RNF214: variants seen among roughly 807,000 people sequenced by gnomAD.
RNF214 encodes the protein ring finger protein 214.
A neutral mutation model predicts 75.9 loss-of-function variants in RNF214; 25 were observed. The observed-to-expected ratio is 0.33, with a 90% CI of 0.24 to 0.46. The LOEUF is 0.46. Ranked by LOEUF, RNF214 falls within the 20% of genes least tolerant of loss-of-function variation. The pLI is 1.00. For synonymous variants in RNF214, 314 were observed against 308.8 expected (o/e 1.02, Z -0.18); for missense variants, 725 against 857.5 (o/e 0.85, Z 1.93).
intron 6 of RNF214, among the ~76,000 whole-genome samples, chr11:117,267,413 T>C (rs1368327544): frequency 6.6e-6 from 1 of 151,992 alleles, no homozygotes; most frequent in Non-Finnish European, 1.5e-5. Context: ...GAAGTAAGGG[T>C]CAGGGTTCAT....
chr11:117,240,119 G>A (rs554680133), intron 4 of RNF214, among the ~76,000 whole-genome samples: 2 of 151,322 alleles, frequency 1.3e-5, no homozygotes, highest in Admixed American at 1.3e-4. Context: ...TTGGGAAGCC[G>A]AAGTGGGTGG....
rs1351541426 is a variant in RNF214 at position 117,285,619 on chromosome 11, C to G, written c.*468C>G. 1 of 153,428 alleles carries G rather than the reference C, an allele frequency of 6.5e-6. No homozygotes were observed. Among genetic ancestry groups the G allele is most frequent in the Non-Finnish European group, 1.5e-5 (1 of 68,748 alleles). 9.5% of individuals were successfully genotyped at this position (153,428 alleles called of 1,614,324 possible). A position where few individuals can be genotyped will look rare whatever the true frequency, so the allele number is the denominator to read the frequency against. On this transcript the variant is annotated 3_prime_UTR_variant, in exon 15 of 15. Coordinates refer to ENST00000300650, the MANE Select transcript of RNF214 (RefSeq NM_207343.4). ...CTTGCTTACCGAAAGCCTCCAGAAG[C>G]CTCAGTATTGTTTTAGCCACTCTAC...
At chr11:117,284,296 A>G (rs905227996) in intron 14 of RNF214, among the ~76,000 whole-genome samples, 2 of 152,164 alleles carry the variant, frequency 1.3e-5, no homozygotes, top group Non-Finnish European at 2.9e-5. Flanking sequence ...AGTCATTCCT[A>G]TTTTTTTATG....
intron 6 of RNF214, among the ~76,000 whole-genome samples, chr11:117,270,816 C>A (rs2033895848): frequency 6.6e-6 from 1 of 152,154 alleles, no homozygotes; most frequent in Non-Finnish European, 1.5e-5. Context: ...AACTCAAATG[C>A]CTGGACTCAA....
intron 5 of RNF214, among the ~76,000 whole-genome samples, chr11:117,245,368 C>T (rs554045593): frequency 1.8e-4 from 26 of 148,246 alleles, no homozygotes; most frequent in African/African-American, 6.2e-4. Flanking sequence ...GAGACGGAGT[C>T]TCGCTCTGTC....
chr11:117,250,311 GA>G (rs1441901325), intron 6 of RNF214, among the ~76,000 whole-genome samples: 1 of 152,162 alleles, frequency 6.6e-6, no homozygotes, highest in African/African-American at 2.4e-5. Flanking sequence ...GGACATTTTG[GA>G]ATAATTGGGA....
chr11:117,240,069 T>C (rs1046346304), intron 4 of RNF214, among the ~76,000 whole-genome samples: 2 of 152,006 alleles, frequency 1.3e-5, no homozygotes, highest in Non-Finnish European at 2.9e-5. Context: ...ATAGCTCTTA[T>C]TGGCCAGGCA....
At chr11:117,239,697 A>G in intron 3 of RNF214, 104 bp from the exon 4 acceptor site, 1 of 703,448 alleles carries the variant, frequency 1.4e-6, no homozygotes. Context: ...GTAAGGGGAA[A>G]GAGTAAAAAG....
chr11:117,261,943 G>T (rs1006094985), intron 6 of RNF214, among the ~76,000 whole-genome samples: 3 of 151,872 alleles, frequency 2.0e-5, no homozygotes, highest in African/African-American at 7.3e-5. Context: ...ACCACACCTG[G>T]CCCATTGATT....
chr11:117,277,882 G>C (rs1021548628), intron 6 of RNF214, among the ~76,000 whole-genome samples: 2 of 151,908 alleles, frequency 1.3e-5, no homozygotes, highest in African/African-American at 4.8e-5. Context: ...GCTGAGGCAG[G>C]AGAATCATTT....
chr11:117,240,905 A>G (rs1311495400), intron 4 of RNF214, among the ~76,000 whole-genome samples: 2 of 151,982 alleles, frequency 1.3e-5, no homozygotes, highest in African/African-American at 4.8e-5. Flanking sequence ...TAGACCAGCC[A>G]CGGTGGCTCA....
At chr11:117,271,387 G>T (rs1489617037) in intron 6 of RNF214, among the ~76,000 whole-genome samples, 1 of 152,232 alleles carries the variant, frequency 6.6e-6, no homozygotes, top group African/African-American at 2.4e-5. Flanking sequence ...TCCCTGTGCT[G>T]CAGACTGGAA....
intron 5 of RNF214, among the ~76,000 whole-genome samples, chr11:117,245,488 C>T (rs182775146): frequency 0.04 from 6,054 of 151,278 alleles, 376 homozygotes; most frequent in African/African-American, 0.14. Flanking sequence ...TACAGGCGCC[C>T]GCCACTACGC....
At chr11:117,278,182 T>C (rs1356498083) in intron 6 of RNF214, among the ~76,000 whole-genome samples, 1 of 146,580 alleles carries the variant, frequency 6.8e-6, no homozygotes, top group Non-Finnish European at 1.5e-5. Flanking sequence ...CACGTGCCTG[T>C]AGTACCACCT....
intron 4 of RNF214, among the ~76,000 whole-genome samples, chr11:117,240,116 G>A (rs2033029821): frequency 6.6e-6 from 1 of 151,950 alleles, no homozygotes; most frequent in Non-Finnish European, 1.5e-5. Flanking sequence ...ATTTTGGGAA[G>A]CCGAAGTGGG....
Position 117,285,152 on chromosome 11 carries a change from C to T in RNF214, c.*1C>T, listed in dbSNP as rs373525273. 1.5e-5 allele frequency: 24 copies of T among 1,604,982 alleles called. No individual in the cohort carries two copies. Among genetic ancestry groups the T allele is most frequent in the African/African-American group, 1.5e-4 (11 of 74,812 alleles). On this transcript the variant is annotated 3_prime_UTR_variant, in exon 15 of 15. Coordinates refer to ENST00000300650, the MANE Select transcript of RNF214 (RefSeq NM_207343.4). ...TCCCTTTTGTCCAACTCTTAAATGACGGACCTGACTGGGGAGGAAGAAGAA... is the reference window on the plus strand; with the variant it reads ...TCCCTTTTGTCCAACTCTTAAATGATGGACCTGACTGGGGAGGAAGAAGAA...
chr11:117,234,150 G>A (rs2032832304), intron 1 of RNF214, 117 bp from the exon 2 acceptor site: 1 of 744,530 alleles, frequency 1.3e-6, no homozygotes, highest in East Asian at 2.5e-5. Flanking sequence ...CCGGAGCCCA[G>A]GTTTTTGTGT....
chr11:117,269,757 T>C (rs182326285), intron 6 of RNF214, among the ~76,000 whole-genome samples: 1 of 152,240 alleles, frequency 6.6e-6, no homozygotes, highest in African/African-American at 2.4e-5. Context: ...TAACTTACAA[T>C]GGTTTGACTT....
At chr11:117,244,913 G>T (rs1173354821) in intron 5 of RNF214, among the ~76,000 whole-genome samples, 1 of 151,488 alleles carries the variant, frequency 6.6e-6, no homozygotes, top group Non-Finnish European at 1.5e-5. Flanking sequence ...AAATCCACCC[G>T]CCTTGGCCTC....
Sources: allele counts gnomAD v4.1 joint callset (sites outside exome capture counted in the v4.1 genomes callset), GRCh38; gene constraint gnomAD v4.1.1; transcripts MANE v1.5; gene names NCBI Gene and HGNC (gene_info 2026-07-23, HGNC 2026-07-21).